DNAH17: variants seen among roughly 807,000 people sequenced by gnomAD.
The protein encoded by DNAH17 is dynein axonemal heavy chain 17, also known as axonemal beta dynein heavy chain 17.
Under a neutral mutation model 485.6 loss-of-function variants are expected in DNAH17, and 376 were observed. The ratio of observed to expected loss-of-function variants is 0.77; its 90% CI spans 0.71 to 0.84. DNAH17 has a LOEUF of 0.84. DNAH17 is among the 40% of genes least tolerant of loss of function. The probability of loss-of-function intolerance (pLI) is 0.00; values close to 1 mark genes in which losing one functional copy is unlikely to be tolerated. For synonymous variants in DNAH17, 3,031 were observed against 2,405.9 expected (o/e 1.26, Z -7.60); for missense variants, 6,370 against 5,839.3 (o/e 1.09, Z -2.96).
Position 78,478,879 on chromosome 17 carries a change from TCAC to T in DNAH17, c.7992+143_7992+145del, listed in dbSNP as rs1451887960. ...ACCACTGTCACCACCACCATTACCATCACCACCATTATTATCATCATTATCATT... is the reference window on the plus strand; with the variant it reads ...ACCACTGTCACCACCACCATTACCATCACCATTATTATCATCATTATCATT... On this transcript the variant is annotated intron_variant, in intron 51 of 80. Transcript: ENST00000389840. 3.3e-5 allele frequency: 22 copies of T among 666,118 alleles called. No individual in the cohort carries two copies. The South Asian group carries it at 3.6e-4, about 11-fold the overall frequency. 41.3% of individuals were successfully genotyped at this position (666,118 alleles called of 1,614,324 possible). A position where few individuals can be genotyped will look rare whatever the true frequency, so the allele number is the denominator to read the frequency against.
rs774018136 is a variant in DNAH17, at chr17:78,439,081, C to A, written c.11805+9G>T. 2 of 1,612,292 alleles carry A rather than the reference C, an allele frequency of 1.2e-6. No individual in the cohort carries two copies. The highest frequency in any genetic ancestry group is 2.2e-5 in the East Asian group (1 of 44,890). On this transcript the variant is annotated intron_variant, in intron 73 of 80. Transcript: ENST00000389840. ...GAGCCCTTACCCTGCAGTGCTGGCCCCCTCGTACCTGCAGAATGACCCAGT... is the reference window on the plus strand; with the variant it reads ...GAGCCCTTACCCTGCAGTGCTGGCCACCTCGTACCTGCAGAATGACCCAGT...
chr17:78,487,219 TTTAGGCAGGTTACTGCACATGCC>T (rs1310265848), intron 44 of DNAH17, among the ~76,000 whole-genome samples: 1 of 152,200 alleles, frequency 6.6e-6, no homozygotes, highest in Admixed American at 6.5e-5. Flanking sequence ...CAGCTGCTGC[TTTAGGCAGGTTACTGCACATGCC>T]TGAGTCCCTG....
chr17:78,426,705 C>T (rs756468285), intron 78 of DNAH17, 105 bp from the exon 79 acceptor site: 63 of 1,470,848 alleles, frequency 4.3e-5, no homozygotes, highest in East Asian at 1.1e-4. Context: ...CTTTGTGCTG[C>T]GCCTCTGGAG....
Position 78,444,610 on chromosome 17 carries a change from G to C in DNAH17, c.11522C>G (p.Ala3841Gly). ...GGCGCGGCGGGACACTCACTTGATA[G>C]CGTAGGTCATGCGATCTGGCCGCAG... The part of the protein sequence containing the change: ...RCLRPDRMTY[A>G]IKNFVEEKMG... The change falls in exon 71 of 81, where the codon GCT (alanine) becomes GGT (glycine). Residue 3841 changes from alanine (A) to glycine (G), a missense_variant. Physicochemically the swap from Ala to Gly is moderately conservative, Grantham distance 60 (BLOSUM62 0). Coordinates refer to ENST00000389840, the MANE Select transcript of DNAH17 (RefSeq NM_173628.4). 6.4e-7 allele frequency: 1 copy of C among 1,562,680 alleles called. No homozygotes were observed. Among genetic ancestry groups the C allele is most frequent in the Non-Finnish European group, 8.7e-7 (1 of 1,154,484 alleles).
intron 54 of DNAH17, among the ~76,000 whole-genome samples, chr17:78,472,312 GTTAGGGTTAGGGAATGGGGGTGCGAGGA>G (rs1568106405): frequency 0.021 from 2,918 of 137,180 alleles, 108 homozygotes; most frequent in African/African-American, 0.094. Flanking sequence ...GGGTGCGAGG[GTTAGGGTTAGGGAATGGGGGTGCGAGGA>G]TTAGGGTTAG....
intron 80 of DNAH17, 184 bp from the exon 81 acceptor site, chr17:78,424,337 C>G: frequency 1.5e-6 from 1 of 665,220 alleles, no homozygotes; most frequent in East Asian, 2.8e-5. Flanking sequence ...CATGTTGTAA[C>G]TACCCCGTCC....
At chr17:78,480,311 T>C (rs889973637) in intron 49 of DNAH17, among the ~76,000 whole-genome samples, 1 of 151,990 alleles carries the variant, frequency 6.6e-6, no homozygotes, top group Non-Finnish European at 1.5e-5. Flanking sequence ...ATCACACCAT[T>C]GCACTCCAGC....
chr17:78,511,934 G>A (rs937343396), intron 26 of DNAH17, among the ~76,000 whole-genome samples: 3 of 152,252 alleles, frequency 2.0e-5, no homozygotes, highest in Non-Finnish European at 4.4e-5. Flanking sequence ...CCCAGGGGCT[G>A]GCTCCCAGAC....
At chr17:78,462,582 TG>T (rs2088189851) in intron 57 of DNAH17, among the ~76,000 whole-genome samples, 1 of 152,240 alleles carries the variant, frequency 6.6e-6, no homozygotes, top group African/African-American at 2.4e-5. Flanking sequence ...TCACCCGACA[TG>T]GGGCAGGTGC....
At chr17:78,505,556 C>T (rs2090459699) in intron 30 of DNAH17, 111 bp from the exon 31 acceptor site, 1 of 1,364,420 alleles carries the variant, frequency 7.3e-7, no homozygotes, top group Non-Finnish European at 1.0e-6. Context: ...GAATATACTC[C>T]CCATCTTTGA....
intron 54 of DNAH17, among the ~76,000 whole-genome samples, chr17:78,469,526 G>A (rs867489015): frequency 6.6e-6 from 1 of 152,152 alleles, no homozygotes; most frequent in African/African-American, 2.4e-5. Flanking sequence ...AAGGTGGGAG[G>A]ATCAATTGAG....
Position 78,475,479 on chromosome 17 carries a change from C to T in DNAH17, c.8320-10G>A. 6.2e-6 allele frequency: 10 copies of T among 1,613,550 alleles called. No homozygotes were observed. The highest frequency in any genetic ancestry group is 8.5e-6 in the Non-Finnish European group (10 of 1,179,842). Reference sequence around the variant, plus strand: ...CGTCCTCAAACAGCACCTGCAGAAACCGGAGAGATCCCACAACATCTTGTA... The same window carrying T: ...CGTCCTCAAACAGCACCTGCAGAAATCGGAGAGATCCCACAACATCTTGTA... On this transcript the variant is annotated splice_polypyrimidine_tract_variant and intron_variant, in intron 53 of 80. Transcript: ENST00000389840.
intron 13 of DNAH17, among the ~76,000 whole-genome samples, chr17:78,559,040 G>A (rs919843210): frequency 6.6e-6 from 1 of 152,180 alleles, no homozygotes; most frequent in African/African-American, 2.4e-5. Context: ...CCATGATGGG[G>A]AGCCACAGAC....
At position 78,570,346 on chromosome 17, in the gene DNAH17, C is replaced by T. The variant is rs139735252; in HGVS notation, c.945G>A (p.Leu315=). The T allele has an allele frequency of 2.6e-4, 411 of 1,610,502 alleles. 1 individual carries two copies. In the African/African-American group the frequency reaches 4.8e-3, roughly 19 times the overall value. The change falls in exon 7 of 81, where the codon CTG becomes CTA. Residue 315 remains leucine (L), a synonymous_variant. Coordinates refer to ENST00000389840, the MANE Select transcript of DNAH17 (RefSeq NM_173628.4). The part of the protein sequence containing the change: ...TMLPTFIAKV[L]DTICFIWATS... ...TGGCCCAGATGAAGCAGATGGTGTCCAGCACCTTGGCAATGAAGGTGGGGA... is the reference window on the plus strand; with the variant it reads ...TGGCCCAGATGAAGCAGATGGTGTCTAGCACCTTGGCAATGAAGGTGGGGA...
intron 72 of DNAH17, among the ~76,000 whole-genome samples, chr17:78,440,657 G>T (rs1038945052): frequency 2.0e-5 from 3 of 152,148 alleles, no homozygotes; most frequent in Admixed American, 6.5e-5. Flanking sequence ...GGACATTTGG[G>T]TTGTTTCTGC....
In DNAH17 at chr17:78,459,790, G is replaced by C. The variant is rs753107280; in HGVS notation, c.9647C>G (p.Ala3216Gly). ...AGGCCCAGCCCCGACTCACTTGAAG[G>C]CCTTCAGGCAGGCCTCAGGGATGTG... Reference protein sequence around the residue: ...KEHIPEACLKAFKPYQGNPTF... With the variant: ...KEHIPEACLKGFKPYQGNPTF... Residue 3216 changes from alanine (A) to glycine (G), a missense_variant, in exon 60 of 81, where the codon GCC becomes GGC. Coordinates refer to ENST00000389840, the MANE Select transcript of DNAH17 (RefSeq NM_173628.4). 4 of 1,614,004 alleles carry C rather than the reference G, an allele frequency of 2.5e-6. No homozygotes were observed. The highest frequency in any genetic ancestry group is 3.4e-6 in the Non-Finnish European group (4 of 1,179,874).
intron 73 of DNAH17, 92 bp downstream of exon 73, chr17:78,438,998 C>G (rs1022739093): frequency 2.7e-6 from 4 of 1,504,026 alleles, no homozygotes; most frequent in Non-Finnish European, 3.6e-6. Flanking sequence ...ATGCAAACTC[C>G]ACATCCTGCT....
At position 78,537,188 on chromosome 17, in the gene DNAH17, A is replaced by AGG. The variant is rs1555686716; in HGVS notation, c.2859+110_2859+111insCC. ...GTGAGATTCCGTCTCAAAAAAAAAAAAAGAAAAAAAGAAAAGGTAAACGGC... is the reference window on the plus strand; with the variant it reads ...GTGAGATTCCGTCTCAAAAAAAAAAAGGAAGAAAAAAAGAAAAGGTAAACGGC... On this transcript the variant is annotated intron_variant, in intron 19 of 80. Transcript: ENST00000389840. 8.6e-5 allele frequency: 100 copies of AGG among 1,157,258 alleles called. 1 individual carries two copies. Among genetic ancestry groups the AGG allele is most frequent in the East Asian group, 2.5e-4 (9 of 35,540 alleles). The allele number at this position is 1,157,258 out of a possible 1,614,324, so 71.7% of individuals were successfully genotyped here.
intron 36 of DNAH17, 65 bp downstream of exon 36, chr17:78,500,240 G>A (rs765917156): frequency 4.0e-6 from 6 of 1,502,872 alleles, no homozygotes; most frequent in Non-Finnish European, 4.5e-6. Flanking sequence ...TCGGAGGACA[G>A]GGTGCTAGGA....
Sources: gnomAD v4.1 joint callset for allele counts (sites outside exome capture counted in the v4.1 genomes callset) on GRCh38, gnomAD v4.1.1 for gene constraint, MANE v1.5 for transcripts, NCBI Gene and HGNC (gene_info 2026-07-23, HGNC 2026-07-21) for gene names.